PCDH15: variants seen among roughly 807,000 people sequenced by gnomAD.
PCDH15 encodes protocadherin related 15.
A neutral mutation model predicts 178.5 loss-of-function variants in PCDH15; 129 were observed. The observed-to-expected ratio is 0.72, with a 90% CI of 0.63 to 0.84. The LOEUF (loss-of-function observed/expected upper bound fraction) is 0.84. PCDH15 is among the 40% of genes least tolerant of loss of function. The pLI, the probability that PCDH15 is intolerant of heterozygous loss-of-function variation, is 0.00. For missense variants in PCDH15, 2,230 were observed against 2,099.9 expected (o/e 1.06, Z -1.21); for synonymous variants, 800 against 732.0 (o/e 1.09, Z -1.50).
Position 53,823,079 on chromosome 10 carries a change from T to A in PCDH15, c.4368-2849A>T, listed in dbSNP as rs2132507343. The A allele has an allele frequency of 6.2e-7, 1 of 1,614,114 alleles. No homozygotes were observed. Among genetic ancestry groups the A allele is most frequent in the Non-Finnish European group, 8.5e-7 (1 of 1,179,976 alleles). On this transcript the variant is annotated intron_variant, in intron 32 of 37. Coordinates refer to ENST00000644397, the MANE Select transcript of PCDH15 (RefSeq NM_001384140.1). ...CTTGTATTTTGGGTGAAAATGGGTC[T>A]ACAAAATCTGTTCTCTGTGAAATGT...
intron 2 of PCDH15, among the ~76,000 whole-genome samples, chr10:55,382,866 T>C (rs1326005712): frequency 1.3e-5 from 2 of 152,186 alleles, no homozygotes; most frequent in Admixed American, 1.3e-4. Context: ...CTCAGGCAAG[T>C]GGATGCCAGG....
chr10:55,333,379 T>G (rs533291059), intron 2 of PCDH15, among the ~76,000 whole-genome samples: 24 of 145,698 alleles, frequency 1.6e-4, no homozygotes, highest in East Asian at 7.8e-4. Context: ...TTTTTTTGGT[T>G]GTTGTTGTTT....
At chr10:55,567,927 T>C (rs555549086) in intron 2 of PCDH15, among the ~76,000 whole-genome samples, 3 of 151,984 alleles carry the variant, frequency 2.0e-5, no homozygotes, top group African/African-American at 7.2e-5. Flanking sequence ...AATAATTTGG[T>C]AAGAATGGAG....
chr10:55,148,055 T>C (rs902510008), intron 2 of PCDH15, among the ~76,000 whole-genome samples: 5 of 151,966 alleles, frequency 3.3e-5, no homozygotes, highest in East Asian at 1.9e-4. Flanking sequence ...GTCCTGTAAA[T>C]ATGCTTAAAG....
chr10:55,438,002 AT>A (rs1254025512), intron 2 of PCDH15, among the ~76,000 whole-genome samples: 2 of 151,128 alleles, frequency 1.3e-5, no homozygotes, highest in Non-Finnish European at 3.0e-5. Flanking sequence ...ACGCCGGCTA[AT>A]TTTGTATTTT....
At chr10:54,487,395 T>A (rs998649919) in intron 3 of PCDH15, among the ~76,000 whole-genome samples, 1 of 151,970 alleles carries the variant, frequency 6.6e-6, no homozygotes, top group African/African-American at 2.4e-5. Context: ...TGTATACAAG[T>A]GTGTGTTATT....
intron 3 of PCDH15, among the ~76,000 whole-genome samples, chr10:54,425,165 A>G (rs1956114836): frequency 6.6e-6 from 1 of 152,082 alleles, no homozygotes; most frequent in African/African-American, 2.4e-5. Flanking sequence ...TCCAAAACTT[A>G]TGTTGAAATT....
chr10:54,290,259 G>T (rs1236140676), intron 8 of PCDH15, among the ~76,000 whole-genome samples: 2 of 152,140 alleles, frequency 1.3e-5, no homozygotes, highest in African/African-American at 2.4e-5. Flanking sequence ...TTAAAGAAAA[G>T]AATTTTCAAC....
chr10:55,454,829 T>C (rs1464153787), intron 2 of PCDH15, among the ~76,000 whole-genome samples: 1 of 151,396 alleles, frequency 6.6e-6, no homozygotes, highest in Non-Finnish European at 1.5e-5. Context: ...TTATATTCTA[T>C]TGGCAAATAA....
chr10:55,075,857 G>T (rs906656994), intron 2 of PCDH15, among the ~76,000 whole-genome samples: 3 of 151,756 alleles, frequency 2.0e-5, no homozygotes, highest in Non-Finnish European at 4.4e-5. Flanking sequence ...CTTTATTTTT[G>T]ATGTAAGTAT....
At chr10:54,648,233 A>G (rs1452428885) in intron 2 of PCDH15, among the ~76,000 whole-genome samples, 3 of 152,146 alleles carry the variant, frequency 2.0e-5, no homozygotes, top group African/African-American at 4.8e-5. Flanking sequence ...CCAACCCAGT[A>G]CATGAAATGT....
chr10:55,096,725 T>G (rs759229729), intron 2 of PCDH15, among the ~76,000 whole-genome samples: 2 of 152,146 alleles, frequency 1.3e-5, no homozygotes. Context: ...ATAAATGAGA[T>G]AATGCAGTAT....
intron 12 of PCDH15, among the ~76,000 whole-genome samples, chr10:54,184,787 T>C (rs2048337881): frequency 6.6e-6 from 1 of 151,912 alleles, no homozygotes. Flanking sequence ...TATGACTAAA[T>C]AAAAAATGCA....
At chr10:55,303,742 G>T (rs1211311378) in intron 1 of PCDH15, among the ~76,000 whole-genome samples, 3 of 152,004 alleles carry the variant, frequency 2.0e-5, no homozygotes, top group African/African-American at 7.2e-5. Flanking sequence ...TATCTATAGA[G>T]TCTTTAGTGA....
At chr10:54,061,146 C>G (rs1003199141) in intron 18 of PCDH15, among the ~76,000 whole-genome samples, 22 of 152,240 alleles carry the variant, frequency 1.4e-4, no homozygotes, top group African/African-American at 5.1e-4. Context: ...ATCTGCTCCC[C>G]CAAAGACTTG....
intron 2 of PCDH15, among the ~76,000 whole-genome samples, chr10:55,000,373 C>T (rs1316251047): frequency 6.6e-6 from 1 of 152,164 alleles, no homozygotes; most frequent in Non-Finnish European, 1.5e-5. Flanking sequence ...TGGCTCTGTT[C>T]CGCCTGGCTC....
At chr10:54,666,790 T>C (rs1174195395) in intron 1 of PCDH15, among the ~76,000 whole-genome samples, 3 of 152,072 alleles carry the variant, frequency 2.0e-5, no homozygotes, top group Non-Finnish European at 4.4e-5. Context: ...GTTGTGTTCC[T>C]GTGTGGGTCC....
intron 2 of PCDH15, among the ~76,000 whole-genome samples, chr10:55,398,248 C>G (rs150703819): frequency 0.012 from 1,786 of 151,612 alleles, 37 homozygotes; most frequent in African/African-American, 0.039. Flanking sequence ...AGCAGGGAAA[C>G]CCTTTAGCCT....
At chr10:54,581,039 C>T (rs1381288254) in intron 2 of PCDH15, among the ~76,000 whole-genome samples, 1 of 152,006 alleles carries the variant, frequency 6.6e-6, no homozygotes, top group African/African-American at 2.4e-5. Context: ...AGAACTGGAA[C>T]AAAGCAAGGA....
Sources: allele counts gnomAD v4.1 joint callset (sites outside exome capture counted in the v4.1 genomes callset), GRCh38; gene constraint gnomAD v4.1.1; transcripts MANE v1.5; gene names NCBI Gene and HGNC (gene_info 2026-07-23, HGNC 2026-07-21).